The following GSC variants were observed in gnomAD, a reference collection of about 807,000 sequenced individuals.
The protein encoded by GSC is goosecoid homeobox.
In GSC, 13 loss-of-function variants were observed where a neutral mutation model predicts 24.5. The ratio of observed to expected loss-of-function variants is 0.53; its 90% CI spans 0.35 to 0.84. The LOEUF (loss-of-function observed/expected upper bound fraction) is 0.84. Ranked by LOEUF, GSC falls within the 40% of genes least tolerant of loss-of-function variation. The pLI is 0.01. For synonymous variants in GSC, 199 were observed against 182.1 expected, an observed-to-expected ratio of 1.09 and a Z score of -0.75; for missense variants, 382 against 384.2, an observed-to-expected ratio of 0.99 and a Z score of 0.05.
In GSC at chr14:94,769,890, C is replaced by A. The variant is rs1384552334; in HGVS notation, c.126G>T (p.Ser42=). 8.6e-6 allele frequency: 13 copies of A among 1,511,370 alleles called. No individual in the cohort carries two copies. Among genetic ancestry groups the A allele is most frequent in the Admixed American group, 6.2e-5 (3 of 48,720 alleles). The allele number at this position is 1,511,370 out of a possible 1,614,324, so 93.6% of individuals were successfully genotyped here. A position where few individuals can be genotyped will look rare whatever the true frequency, so the allele number is the denominator to read the frequency against. Residue 42 remains serine (S), a synonymous_variant, in exon 1 of 3, where the codon TCG becomes TCT. Coordinates refer to ENST00000238558, the MANE Select transcript of GSC (RefSeq NM_173849.3). ...PVVFPALHGD[S]LYGASGGASS... ...AGGCGCCGCCGCTGGCGCCGTAGAG[C>A]GAGTCCCCGTGCAGGGCCGGGAAGA...
At chr14:94,769,597 C>T (rs1042680382) in intron 1 of GSC, 64 bp downstream of exon 1, 46 of 1,401,822 alleles carry the variant, frequency 3.3e-5, no homozygotes, top group Non-Finnish European at 4.2e-5. Context: ...GGTGAATTAA[C>T]CAACCGGCTC....
chr14:94,769,959 C>G lies in GSC; in HGVS notation c.57G>C (p.Lys19Asn), dbSNP rs1328098437. The G allele has an allele frequency of 1.3e-6, 2 of 1,555,218 alleles. No homozygotes were observed. The highest frequency in any genetic ancestry group is 1.7e-6 in the Non-Finnish European group (2 of 1,158,924). Reference sequence around the variant, plus strand: ...TGTGCGCCACCGGCAACACCGAGTCCTTGCAGCGCGGCCGGGCGGCTAGGA... The same window carrying G: ...TGTGCGCCACCGGCAACACCGAGTCGTTGCAGCGCGGCCGGGCGGCTAGGA... Reference protein sequence around the residue: ...DNILAARPRCKDSVLPVAHSA... With the variant: ...DNILAARPRCNDSVLPVAHSA... Residue 19 changes from lysine to asparagine, a missense_variant, in exon 1 of 3, where the codon AAG (lysine) becomes AAC (asparagine). Lys to Asn is a moderately conservative substitution (Grantham distance 94, BLOSUM62 0). Transcript: ENST00000238558.
chr14:94,768,715 CG>C, intron 2 of GSC, 66 bp from the exon 3 acceptor site: 1 of 1,595,926 alleles, frequency 6.3e-7, no homozygotes, highest in Non-Finnish European at 8.5e-7. Context: ...CCGGGGCACC[CG>C]GGGAGCTTGG....
In GSC at chr14:94,768,342, C is replaced by T; in HGVS notation, c.*149G>A. 1 of 1,068,532 alleles carries T rather than the reference C, an allele frequency of 9.4e-7. No individual in the cohort carries two copies. The highest frequency in any genetic ancestry group is 1.4e-6 in the Non-Finnish European group (1 of 714,080). 66.2% of individuals were successfully genotyped at this position (1,068,532 alleles called of 1,614,324 possible). A position where few individuals can be genotyped will look rare whatever the true frequency, so the allele number is the denominator to read the frequency against. The stretch of plus-strand genomic sequence containing the variant: ...TGCGCGCCCTGACCCCAGACGCCGA[C>T]CCTCCCGGCTCTGTACACTATTTAC... On this transcript the variant is annotated 3_prime_UTR_variant, in exon 3 of 3. Coordinates refer to ENST00000238558, the MANE Select transcript of GSC (RefSeq NM_173849.3).
In GSC at chr14:94,769,080, T is replaced by C; in HGVS notation, c.493A>G (p.Thr165Ala). 1 of 1,593,056 alleles carries C rather than the reference T, an allele frequency of 6.3e-7. No individual in the cohort carries two copies. The highest frequency in any genetic ancestry group is 8.5e-7 in the Non-Finnish European group (1 of 1,170,718). Residue 165 changes from threonine to alanine, a missense_variant, in exon 2 of 3, where the codon ACC becomes GCC. Coordinates refer to ENST00000238558, the MANE Select transcript of GSC (RefSeq NM_173849.3). The stretch of plus-strand genomic sequence containing the variant: ...TCGAGCTGCTCGTCAGTGAAGATGG[T>C]GCGGTGCCGCCGCTTCCGCCGACAG... ...LHCRRKRRHR[T>A]IFTDEQLEAL...
Position 94,769,836 on chromosome 14 carries a change from G to C in GSC, c.180C>G (p.Arg60=). 7.0e-7 allele frequency: 1 copy of C among 1,432,924 alleles called. No homozygotes were observed. The highest frequency in any genetic ancestry group is 1.5e-5 in the South Asian group (1 of 68,534). The allele number at this position is 1,432,924 out of a possible 1,614,324, so 88.8% of individuals were successfully genotyped here. A position where few individuals can be genotyped will look rare whatever the true frequency, so the allele number is the denominator to read the frequency against. Residue 60 remains arginine, a synonymous_variant, in exon 1 of 3, where the codon CGC becomes CGG. Transcript: ENST00000238558. The stretch of plus-strand genomic sequence containing the variant: ...GGCCCGCGCCGCCGGGGGCCACGGG[G>C]CGCGGGTAGAAGGCGCCATAGTCCG... ...ASSDYGAFYP[R]PVAPGGAGLP... is the part of the protein sequence containing the mutation.
chr14:94,770,083 G>C lies in GSC; in HGVS notation c.-68C>G. 4 of 1,401,268 alleles carry C rather than the reference G, an allele frequency of 2.9e-6. No homozygotes were observed. The highest frequency in any genetic ancestry group is 2.9e-6 in the Non-Finnish European group (3 of 1,043,436). The allele number at this position is 1,401,268 out of a possible 1,614,324, so 86.8% of individuals were successfully genotyped here. A position where few individuals can be genotyped will look rare whatever the true frequency, so the allele number is the denominator to read the frequency against. ...CGAGGACAGAGCCTTAAAGTGGGGG[G>C]GTCCACTCTCCTCCAGCCGCCGACC... On this transcript the variant is annotated 5_prime_UTR_variant, in exon 1 of 3. Coordinates refer to ENST00000238558, the MANE Select transcript of GSC (RefSeq NM_173849.3).
rs766832415 is a variant in GSC at position 94,768,545 on chromosome 14, C to T, written c.720G>A (p.Ala240=). Residue 240 remains alanine, a synonymous_variant, in exon 3 of 3, where the codon GCG becomes GCA. Coordinates refer to ENST00000238558, the MANE Select transcript of GSC (RefSeq NM_173849.3). The part of the protein sequence containing the change: ...EKWNKTSSSK[A]SPEKREEEGK... ...CTTCCTCTTCCCTCTTCTCCGGTGA[C>T]GCCTTCGACGACGACGTCTTGTTCC... The T allele has an allele frequency of 2.5e-6, 4 of 1,614,222 alleles. No homozygotes were observed.
chr14:94,768,970 C>T lies in GSC; in HGVS notation c.603G>A (p.Glu201=), dbSNP rs1885226450. Residue 201 remains glutamate, a synonymous_variant, in exon 2 of 3, where the codon GAG becomes GAA. Transcript: ENST00000238558. ...CCCCGGCGCCTACCTCCACTTTCTC[C>T]TCGCGGAGGTGCACTTTCCGGGCCA... ...EQLARKVHLR[E]EKVEVWFKNR... is the part of the protein sequence containing the mutation. 6.3e-7 allele frequency: 1 copy of T among 1,587,712 alleles called. No homozygotes were observed. Among genetic ancestry groups the T allele is most frequent in the Non-Finnish European group, 8.6e-7 (1 of 1,168,188 alleles).
Position 94,769,641 on chromosome 14 carries a change from C to T in GSC, c.355+20G>A. On this transcript the variant is annotated intron_variant, in intron 1 of 2. Coordinates refer to ENST00000238558, the MANE Select transcript of GSC (RefSeq NM_173849.3). ...AAGGACCGCAGTGGGCGGCAGAGGC[C>T]GGAGCGAGCGCGACCCTACCTGGGG... 1 of 1,404,920 alleles carries T rather than the reference C, an allele frequency of 7.1e-7. No homozygotes were observed. Among genetic ancestry groups the T allele is most frequent in the Non-Finnish European group, 9.2e-7 (1 of 1,091,158 alleles). 87.0% of individuals were successfully genotyped at this position (1,404,920 alleles called of 1,614,324 possible). A position where few individuals can be genotyped will look rare whatever the true frequency, so the allele number is the denominator to read the frequency against.
Position 94,769,707 on chromosome 14 carries a change from C to A in GSC, c.309G>T (p.Val103=), listed in dbSNP as rs1003139708. 9.0e-6 allele frequency: 13 copies of A among 1,447,344 alleles called. No homozygotes were observed. Among genetic ancestry groups the A allele is most frequent in the Non-Finnish European group, 8.1e-6 (9 of 1,108,982 alleles). The allele number at this position is 1,447,344 out of a possible 1,614,324, so 89.7% of individuals were successfully genotyped here. A position where few individuals can be genotyped will look rare whatever the true frequency, so the allele number is the denominator to read the frequency against. ...AGCACTGCTGGGCGCCCAGCGGCGG[C>A]ACGGCCCCGCAGCAGGCCGGGCCCA... is the stretch of plus-strand genomic sequence containing the variant. ...APVGPACCGA[V]PPLGAQQCSC... is the part of the protein sequence containing the mutation. The change falls in exon 1 of 3, where the codon GTG becomes GTT. Residue 103 remains valine, a synonymous_variant. Transcript: ENST00000238558.
rs777531321 is a variant in GSC at position 94,769,015 on chromosome 14, G to C, written c.558C>G (p.Asp186Glu). The C allele has an allele frequency of 2.3e-5, 37 of 1,597,012 alleles. No homozygotes were observed. The highest frequency in any genetic ancestry group is 3.0e-5 in the Non-Finnish European group (35 of 1,172,706). ...GGGCCAGCTGCTCGCGCGTGCCCAC[G>C]TCCGGGTACTTGGTCTCCTGGAAGA... ...ENLFQETKYP[D>E]VGTREQLARK... Residue 186 changes from aspartate to glutamate, a missense_variant, in exon 2 of 3, where the codon GAC (aspartate) becomes GAG (glutamate). By Grantham distance (45) the Asp-to-Glu change is conservative. Transcript: ENST00000238558.
At position 94,769,982 on chromosome 14, in the gene GSC, G is replaced by A. The variant is rs1306089048; in HGVS notation, c.34C>T (p.Leu12=). The change falls in exon 1 of 3, where the codon CTA becomes TTA. Residue 12 remains leucine (L), a synonymous_variant. Coordinates refer to ENST00000238558, the MANE Select transcript of GSC (RefSeq NM_173849.3). ...TCCTTGCAGCGCGGCCGGGCGGCTAGGATGTTGTCGATGCTGAACATGCTG... is the reference window on the plus strand; with the variant it reads ...TCCTTGCAGCGCGGCCGGGCGGCTAAGATGTTGTCGATGCTGAACATGCTG... ...PASMFSIDNI[L]AARPRCKDSV... The A allele has an allele frequency of 6.4e-7, 1 of 1,560,666 alleles. No homozygotes were observed. Among genetic ancestry groups the A allele is most frequent in the Admixed American group, 1.8e-5 (1 of 54,452 alleles).
Position 94,769,087 on chromosome 14 carries a change from C to G in GSC, c.486G>C (p.Arg162=). Residue 162 remains arginine, a synonymous_variant, in exon 2 of 3, where the codon CGG becomes CGC. Transcript: ENST00000238558. ...GCTCGTCAGTGAAGATGGTGCGGTG[C>G]CGCCGCTTCCGCCGACAGTGCAGCT... is the stretch of plus-strand genomic sequence containing the variant. ...LNQLHCRRKR[R]HRTIFTDEQL... The G allele has an allele frequency of 6.3e-7, 1 of 1,589,718 alleles. No individual in the cohort carries two copies. Among genetic ancestry groups the G allele is most frequent in the Non-Finnish European group, 8.6e-7 (1 of 1,168,950 alleles).
chr14:94,769,883 C>G lies in GSC; in HGVS notation c.133G>C (p.Gly45Arg). The G allele has an allele frequency of 6.6e-7, 1 of 1,506,952 alleles. No homozygotes were observed. The highest frequency in any genetic ancestry group is 1.2e-5 in the South Asian group (1 of 81,162). 93.3% of individuals were successfully genotyped at this position (1,506,952 alleles called of 1,614,324 possible). Residue 45 changes from glycine to arginine, a missense_variant, in exon 1 of 3, where the codon GGC becomes CGC. Coordinates refer to ENST00000238558, the MANE Select transcript of GSC (RefSeq NM_173849.3). ...FPALHGDSLYGASGGASSDYG... is the reference protein window; with the variant it reads ...FPALHGDSLYRASGGASSDYG... ...TCCGAGGAGGCGCCGCCGCTGGCGC[C>G]GTAGAGCGAGTCCCCGTGCAGGGCC... is the stretch of plus-strand genomic sequence containing the variant.
At position 94,770,089 on chromosome 14, in the gene GSC, C is replaced by T; in HGVS notation, c.-74G>A. 1 of 1,382,682 alleles carries T rather than the reference C, an allele frequency of 7.2e-7. No individual in the cohort carries two copies. Among genetic ancestry groups the T allele is most frequent in the South Asian group, 1.3e-5 (1 of 76,480 alleles). The allele number at this position is 1,382,682 out of a possible 1,614,324, so 85.7% of individuals were successfully genotyped here. ...CAGAGCCTTAAAGTGGGGGGGTCCACTCTCCTCCAGCCGCCGACCAAACCG... is the reference window on the plus strand; with the variant it reads ...CAGAGCCTTAAAGTGGGGGGGTCCATTCTCCTCCAGCCGCCGACCAAACCG... On this transcript the variant is annotated 5_prime_UTR_variant, in exon 1 of 3. In the 5' UTR this introduces an upstream ATG that the reference lacks. Coordinates refer to ENST00000238558, the MANE Select transcript of GSC (RefSeq NM_173849.3).
At chr14:94,769,408 A>C (rs986272724) in intron 1 of GSC, among the ~76,000 whole-genome samples, 191 bp from the exon 2 acceptor site, 7 of 152,056 alleles carry the variant, frequency 4.6e-5, no homozygotes, top group African/African-American at 1.2e-4. Context: ...CACCCGCCAA[A>C]GCCAGTAAGA....
chr14:94,769,943 C>T lies in GSC; in HGVS notation c.73G>A (p.Val25Met), dbSNP rs1468916690. 1.2e-5 allele frequency: 18 copies of T among 1,547,334 alleles called. No individual in the cohort carries two copies. The highest frequency in any genetic ancestry group is 1.5e-5 in the Non-Finnish European group (17 of 1,154,864). Residue 25 changes from valine (V) to methionine (M), a missense_variant, in exon 1 of 3, where the codon GTG becomes ATG. By Grantham distance (21) the Val-to-Met change is conservative (BLOSUM62 1). Transcript: ENST00000238558. ...RPRCKDSVLPVAHSAAAPVVF... is the reference protein window; with the variant it reads ...RPRCKDSVLPMAHSAAAPVVF... ...ACGGGAGCCGCCGCGCTGTGCGCCA[C>T]CGGCAACACCGAGTCCTTGCAGCGC...
rs745331419 is a variant in GSC at position 94,769,075 on chromosome 14, G to T, written c.498C>A (p.Ile166=). 6.3e-7 allele frequency: 1 copy of T among 1,594,202 alleles called. No homozygotes were observed. The highest frequency in any genetic ancestry group is 1.7e-5 in the Admixed American group (1 of 57,168). Reference sequence around the variant, plus strand: ...GAGCTTCGAGCTGCTCGTCAGTGAAGATGGTGCGGTGCCGCCGCTTCCGCC... The same window carrying T: ...GAGCTTCGAGCTGCTCGTCAGTGAATATGGTGCGGTGCCGCCGCTTCCGCC... ...HCRRKRRHRT[I]FTDEQLEALE... Residue 166 remains isoleucine, a synonymous_variant, in exon 2 of 3, where the codon ATC becomes ATA. Coordinates refer to ENST00000238558, the MANE Select transcript of GSC (RefSeq NM_173849.3).
Sources: gnomAD v4.1 joint callset for allele counts (sites outside exome capture counted in the v4.1 genomes callset) on GRCh38, gnomAD v4.1.1 for gene constraint, MANE v1.5 for transcripts, NCBI Gene and HGNC (gene_info 2026-07-23, HGNC 2026-07-21) for gene names.